The following ROS1 variants were observed in gnomAD, a reference collection of about 807,000 sequenced individuals.
ROS1 encodes proto-oncogene tyrosine-protein kinase ROS.
In ROS1, 263 loss-of-function variants were observed where a neutral mutation model predicts 273.5. The ratio of observed to expected loss-of-function variants is 0.96; its 90% CI spans 0.87 to 1.06. The LOEUF is 1.06. Ranked by LOEUF, ROS1 falls within the 50% of genes least tolerant of loss-of-function variation. The probability of loss-of-function intolerance (pLI) is 0.00; values close to 1 mark genes in which losing one functional copy is unlikely to be tolerated. For synonymous variants in ROS1, 1,008 were observed against 954.1 expected, an observed-to-expected ratio of 1.06 and a Z score of -1.04; for missense variants, 2,833 against 2,751.1, an observed-to-expected ratio of 1.03 and a Z score of -0.67.
chr6:117,387,189 A>G (rs979623706), intron 14 of ROS1, among the ~76,000 whole-genome samples, 190 bp from the exon 15 acceptor site: 1 of 152,218 alleles, frequency 6.6e-6, no homozygotes, highest in Admixed American at 6.5e-5. Flanking sequence ...ATCCCATTAA[A>G]CATACTTTCT....
At chr6:117,403,917 C>A (rs117031043) in intron 6 of ROS1, among the ~76,000 whole-genome samples, 18 of 152,140 alleles carry the variant, frequency 1.2e-4, no homozygotes, top group Non-Finnish European at 2.2e-4. Context: ...AAGGCCTTTA[C>A]GCTTATAAGT....
chr6:117,288,045 G>A lies in ROS1; in HGVS notation c.*447C>T, dbSNP rs1773560287. On this transcript the variant is annotated 3_prime_UTR_variant, in exon 44 of 44. Coordinates refer to ENST00000368507, the MANE Select transcript of ROS1 (RefSeq NM_001378902.1). ...TGTGAAATTATTTCTCATTTCCTTGGTCCCATTTGAGATTATCTGTAGTTC... is the reference window on the plus strand; with the variant it reads ...TGTGAAATTATTTCTCATTTCCTTGATCCCATTTGAGATTATCTGTAGTTC... 6.6e-6 allele frequency among the ~76,000 whole-genome samples: 1 copy of A among 151,916 alleles called. No homozygotes were observed. The highest frequency in any genetic ancestry group is 2.4e-5 in the African/African-American group (1 of 41,348).
At chr6:117,340,895 T>C (rs1777858801) in intron 31 of ROS1, among the ~76,000 whole-genome samples, 1 of 152,104 alleles carries the variant, frequency 6.6e-6, no homozygotes, top group South Asian at 2.1e-4. Context: ...TATTATAAAA[T>C]TAGTACACTA....
Position 117,356,928 on chromosome 6 carries a change from A to G in ROS1, c.3840-13T>C. On this transcript the variant is annotated splice_polypyrimidine_tract_variant and intron_variant, in intron 25 of 43. Transcript: ENST00000368507. Reference sequence around the variant, plus strand: ...CCAATACAAGCGACTATAGAGGAAAAAAAAGTCCCCCCAACTTAATGAGTA... The same window carrying G: ...CCAATACAAGCGACTATAGAGGAAAGAAAAGTCCCCCCAACTTAATGAGTA... 6.3e-7 allele frequency: 1 copy of G among 1,593,346 alleles called. No individual in the cohort carries two copies. The highest frequency in any genetic ancestry group is 1.4e-5 in the African/African-American group (1 of 73,626).
chr6:117,303,245 G>A lies in ROS1; in HGVS notation c.6552-2108C>T, dbSNP rs77459691. Among the ~76,000 whole-genome samples the A allele has an allele frequency of 4.9e-3, 741 of 152,094 alleles. 5 individuals are homozygous for A. Among genetic ancestry groups the A allele is most frequent in the Non-Finnish European group, 8.9e-3 (607 of 67,988 alleles). ...GAACTGATAAAGAAACAGATTGGGAGGTACTTAAAATATTAGTACTACTAT... is the reference window on the plus strand; with the variant it reads ...GAACTGATAAAGAAACAGATTGGGAAGTACTTAAAATATTAGTACTACTAT... On this transcript the variant is annotated intron_variant, in intron 42 of 43. Transcript: ENST00000368507.
rs1780225719 is a variant in ROS1, at chr6:117,366,259, C to A, written c.2614G>T (p.Ala872Ser). Reference sequence around the variant, plus strand: ...TGGGAAATTTCAGAAGTACTCCAGGCTGCAAATTCTGTGATGGTGGTATCC... The same window carrying A: ...TGGGAAATTTCAGAAGTACTCCAGGATGCAAATTCTGTGATGGTGGTATCC... The part of the protein sequence containing the change: ...TGDTTITEFA[A>S]WSTSEISQNA... The change falls in exon 19 of 44, where the codon GCC becomes TCC. Residue 872 changes from alanine (A) to serine (S), a missense_variant. Coordinates refer to ENST00000368507, the MANE Select transcript of ROS1 (RefSeq NM_001378902.1). The A allele has an allele frequency of 1.2e-6, 2 of 1,614,040 alleles. No homozygotes were observed. The highest frequency in any genetic ancestry group is 1.7e-6 in the Non-Finnish European group (2 of 1,179,944).
intron 18 of ROS1, among the ~76,000 whole-genome samples, chr6:117,367,610 TG>T (rs1240304504): frequency 6.6e-6 from 1 of 152,106 alleles, no homozygotes; most frequent in African/African-American, 2.4e-5. Flanking sequence ...TAGGCCCCAC[TG>T]GGAATTAATG....
intron 32 of ROS1, 82 bp from the exon 33 acceptor site, chr6:117,329,528 A>T (rs1776900193): frequency 1.4e-6 from 1 of 716,850 alleles, no homozygotes; most frequent in South Asian, 1.9e-5. Context: ...AGAATATATT[A>T]AGAGGAAAGA....
chr6:117,323,774 G>T (rs1056836419), intron 35 of ROS1, among the ~76,000 whole-genome samples: 1 of 151,906 alleles, frequency 6.6e-6, no homozygotes, highest in Non-Finnish European at 1.5e-5. Context: ...CTGCCTTCCT[G>T]GTCATTTATA....
intron 18 of ROS1, among the ~76,000 whole-genome samples, chr6:117,377,447 TAAAG>T (rs1194346106): frequency 6.6e-6 from 1 of 151,802 alleles, no homozygotes; most frequent in Non-Finnish European, 1.5e-5. Flanking sequence ...AGCAACTAAA[TAAAG>T]AAAGAGAAAA....
intron 35 of ROS1, among the ~76,000 whole-genome samples, chr6:117,322,925 C>G (rs1370860377): frequency 2.0e-5 from 3 of 152,134 alleles, no homozygotes; most frequent in Admixed American, 2.0e-4. Flanking sequence ...GAAATTATCT[C>G]ATGTTCATCC....
intron 7 of ROS1, among the ~76,000 whole-genome samples, chr6:117,399,027 A>G (rs1773735820): frequency 6.6e-6 from 1 of 152,100 alleles, no homozygotes. Context: ...CCACAGCTAA[A>G]AGAGAATAGG....
chr6:117,369,936 TATATGTATATGTACATGCATATACAC>T (rs1780624032), intron 18 of ROS1, among the ~76,000 whole-genome samples: 1 of 152,226 alleles, frequency 6.6e-6, no homozygotes, highest in South Asian at 2.1e-4. Flanking sequence ...CACATCCATA[TATATGTATATGTACATGCATATACAC>T]ATATGTATAT....
intron 15 of ROS1, 96 bp from the exon 16 acceptor site, chr6:117,385,957 A>G: frequency 1.1e-6 from 1 of 904,922 alleles, no homozygotes; most frequent in Non-Finnish European, 1.8e-6. Flanking sequence ...ACATAATTTT[A>G]AACAACACAC....
intron 1 of ROS1, among the ~76,000 whole-genome samples, chr6:117,419,032 G>T (rs375503039): frequency 2.6e-4 from 40 of 152,202 alleles, no homozygotes; most frequent in African/African-American, 9.6e-4. Context: ...GTCATAATTT[G>T]AATAGAGTCC....
In ROS1 at chr6:117,321,270, G is replaced by C. The variant is rs1361114278; in HGVS notation, c.5748C>G (p.Cys1916Trp). 5.6e-6 allele frequency: 9 copies of C among 1,613,660 alleles called. No homozygotes were observed. Among genetic ancestry groups the C allele is most frequent in the Non-Finnish European group, 6.8e-6 (8 of 1,179,840 alleles). ...LAAGVGLANA[C>W]YAIHTLPTQE... ...CCAAAGCTACATACTGTATTGCATA[G>C]CAGGCATTAGCCAGGCCTACTCCGG... is the stretch of plus-strand genomic sequence containing the variant. Residue 1916 changes from cysteine to tryptophan, a missense_variant, in exon 36 of 44, where the codon TGC becomes TGG. Cys to Trp is a radical substitution (Grantham distance 215). Transcript: ENST00000368507.
intron 24 of ROS1, 69 bp from the exon 25 acceptor site, chr6:117,358,078 T>C (rs1779481630): frequency 9.8e-7 from 1 of 1,021,726 alleles, no homozygotes; most frequent in Non-Finnish European, 1.5e-6. Flanking sequence ...CTTTTCTATA[T>C]TCACCCATAT....
intron 5 of ROS1, among the ~76,000 whole-genome samples, chr6:117,405,361 C>G (rs1774312468): frequency 6.6e-6 from 1 of 152,310 alleles, no homozygotes; most frequent in African/African-American, 2.4e-5. Context: ...CTAGCACAAC[C>G]CTTCTCTGCT....
intron 23 of ROS1, 90 bp downstream of exon 23, chr6:117,360,252 T>A: frequency 3.1e-6 from 3 of 952,710 alleles, no homozygotes; most frequent in Non-Finnish European, 4.6e-6. Flanking sequence ...ACAGTGTTCA[T>A]ATCCCTAAAG....
Sources: gnomAD v4.1 joint callset for allele counts (sites outside exome capture counted in the v4.1 genomes callset) on GRCh38, gnomAD v4.1.1 for gene constraint, MANE v1.5 for transcripts, NCBI Gene and HGNC (gene_info 2026-07-23, HGNC 2026-07-21) for gene names.